SEMA3D: variants seen among roughly 807,000 people sequenced by gnomAD.
SEMA3D encodes semaphorin-3D.
In SEMA3D, 84 loss-of-function variants were observed where a neutral mutation model predicts 100.1. That is an observed-to-expected ratio of 0.84 (90% CI 0.70 to 1.01). SEMA3D has a LOEUF of 1.01. Ranked by LOEUF, SEMA3D falls within the 50% of genes least tolerant of loss-of-function variation. SEMA3D has a pLI of 0.00. For missense variants in SEMA3D, 875 were observed against 934.1 expected (o/e 0.94, Z 0.82); for synonymous variants, 312 against 320.7 (o/e 0.97, Z 0.29).
the SEMA3D span, among the ~76,000 whole-genome samples, chr7:85,246,179 T>C: frequency 2.0e-5 from 3 of 152,116 alleles, no homozygotes; most frequent in Non-Finnish European, 4.4e-5. Flanking sequence ...GTAAGAGCCT[T>C]CTTTATGTTT....
chr7:85,118,840 G>A (rs1789325315), intron 3 of SEMA3D, among the ~76,000 whole-genome samples: 1 of 152,124 alleles, frequency 6.6e-6, no homozygotes, highest in African/African-American at 2.4e-5. Context: ...AATTGCTTTT[G>A]GCAACTTCTT....
intron 1 of SEMA3D, among the ~76,000 whole-genome samples, chr7:85,184,191 A>G (rs1791477442): frequency 6.6e-6 from 1 of 152,220 alleles, no homozygotes; most frequent in African/African-American, 2.4e-5. Flanking sequence ...ATACAGATAC[A>G]GCATCATAAC....
At chr7:85,176,781 C>CATATATAT (rs372304790) in intron 1 of SEMA3D, among the ~76,000 whole-genome samples, 1 of 146,390 alleles carries the variant, frequency 6.8e-6, no homozygotes, top group African/African-American at 2.6e-5. Context: ...TATTTGTATA[C>CATATATAT]ATATATATAT....
At chr7:85,214,030 C>T in the SEMA3D span, among the ~76,000 whole-genome samples, 1 of 152,086 alleles carries the variant, frequency 6.6e-6, no homozygotes, top group Admixed American at 6.6e-5. Flanking sequence ...GTAATATAAA[C>T]CCATAAACGT....
rs117011545 is a variant in SEMA3D at position 85,059,860 on chromosome 7, A to G, written c.719-4001T>C. On this transcript the variant is annotated intron_variant, in intron 8 of 18. Transcript: ENST00000284136. ...GGGGTATAAATAAATATGGCAATTC[A>G]TTGTCATAATGCAGAAATGCATAGG... 1.3e-3 allele frequency among the ~76,000 whole-genome samples: 196 copies of G among 152,344 alleles called. 2 individuals are homozygous for G. The East Asian group carries it at 0.023, about 18-fold the overall frequency.
intron 2 of SEMA3D, among the ~76,000 whole-genome samples, chr7:85,123,217 G>C (rs1445281065): frequency 1.3e-5 from 2 of 151,994 alleles, no homozygotes; most frequent in African/African-American, 4.8e-5. Context: ...CATTATGGTA[G>C]AATCTAGTGA....
At chr7:85,192,059 T>C in the SEMA3D span, among the ~76,000 whole-genome samples, 1 of 152,102 alleles carries the variant, frequency 6.6e-6, no homozygotes, top group Non-Finnish European at 1.5e-5. Context: ...ATAATAGTGA[T>C]TTTCATTCTT....
At chr7:85,227,211 A>T in the SEMA3D span, among the ~76,000 whole-genome samples, 1 of 152,194 alleles carries the variant, frequency 6.6e-6, no homozygotes, top group Non-Finnish European at 1.5e-5. Flanking sequence ...AGAACATAAT[A>T]AAAATATTCA....
chr7:85,237,922 C>T, the SEMA3D span, among the ~76,000 whole-genome samples: 1 of 152,192 alleles, frequency 6.6e-6, no homozygotes, highest in Admixed American at 6.5e-5. Context: ...ACATCCTCAC[C>T]ACCATTTGGT....
intron 12 of SEMA3D, among the ~76,000 whole-genome samples, chr7:85,027,249 T>C (rs1173590419): frequency 6.6e-6 from 1 of 152,068 alleles, no homozygotes; most frequent in Non-Finnish European, 1.5e-5. Context: ...AATTTTTCAA[T>C]GACTCTTACA....
intron 9 of SEMA3D, among the ~76,000 whole-genome samples, chr7:85,054,931 T>C (rs1419965471): frequency 1.3e-5 from 2 of 152,082 alleles, no homozygotes; most frequent in African/African-American, 4.8e-5. Context: ...TTGTATTCAG[T>C]CAAATGAGAG....
intron 1 of SEMA3D, among the ~76,000 whole-genome samples, chr7:85,181,414 C>T (rs1471040583): frequency 6.6e-6 from 1 of 150,652 alleles, no homozygotes; most frequent in East Asian, 1.9e-4. Context: ...GAAAGAGCTC[C>T]CAGAGGCCAA....
chr7:85,058,608 C>T (rs1367005727), intron 8 of SEMA3D, among the ~76,000 whole-genome samples: 2 of 151,376 alleles, frequency 1.3e-5, no homozygotes, highest in African/African-American at 4.9e-5. Flanking sequence ...ATTAGCTGGG[C>T]GTGGTGGCGG....
chr7:85,032,364 G>A (rs1388864558), intron 12 of SEMA3D, among the ~76,000 whole-genome samples: 2 of 151,984 alleles, frequency 1.3e-5, no homozygotes, highest in Non-Finnish European at 2.9e-5. Context: ...CACACTAATA[G>A]CATTGAGTGC....
At chr7:85,048,421 A>T (rs1465862816) in intron 9 of SEMA3D, among the ~76,000 whole-genome samples, 1 of 151,848 alleles carries the variant, frequency 6.6e-6, no homozygotes, top group Non-Finnish European at 1.5e-5. Flanking sequence ...GAAGTTTGAA[A>T]CTATGACCAT....
intron 18 of SEMA3D, among the ~76,000 whole-genome samples, chr7:85,001,556 C>T (rs1361154782): frequency 6.6e-6 from 1 of 152,030 alleles, no homozygotes; most frequent in Admixed American, 6.6e-5. Flanking sequence ...TAGATAATTT[C>T]ATTGTAATTT....
intron 3 of SEMA3D, among the ~76,000 whole-genome samples, chr7:85,108,040 T>G (rs1788982823): frequency 6.6e-6 from 1 of 152,090 alleles, no homozygotes; most frequent in African/African-American, 2.4e-5. Flanking sequence ...TGAATAAATT[T>G]TAAACTTCCT....
At chr7:85,046,430 T>C (rs1791010150) in intron 9 of SEMA3D, among the ~76,000 whole-genome samples, 2 of 151,812 alleles carry the variant, frequency 1.3e-5, no homozygotes, top group African/African-American at 4.8e-5. Flanking sequence ...AACAAAATAA[T>C]CTTACCTACC....
At chr7:85,138,518 T>C (rs992995199) in intron 2 of SEMA3D, among the ~76,000 whole-genome samples, 1 of 151,126 alleles carries the variant, frequency 6.6e-6, no homozygotes, top group Non-Finnish European at 1.5e-5. Flanking sequence ...ATATAAAACA[T>C]TTACATAACT....
Sources: allele counts gnomAD v4.1 joint callset (sites outside exome capture counted in the v4.1 genomes callset), GRCh38; gene constraint gnomAD v4.1.1; transcripts MANE v1.5; gene names NCBI Gene and HGNC (gene_info 2026-07-23, HGNC 2026-07-21).